Variants in LRRC28 observed in about 807,000 individuals in gnomAD.
LRRC28 encodes the protein leucine rich repeat containing 28.
LRRC28 carries 39 observed loss-of-function variants against 45.7 expected under a neutral mutation model. The ratio of observed to expected loss-of-function variants is 0.85; its 90% CI spans 0.66 to 1.12. The LOEUF is 1.12. LRRC28 is among the 50% of genes most tolerant of loss of function. The pLI is 0.00. For synonymous variants in LRRC28, 206 were observed against 178.8 expected (o/e 1.15, Z -1.22); for missense variants, 435 against 438.5 (o/e 0.99, Z 0.07).
intron 3 of LRRC28, chr15:99,285,386 G>T (rs1044487663): frequency 9.3e-5 from 69 of 742,768 alleles, no homozygotes; most frequent in Non-Finnish European, 1.4e-4. Context: ...CACCTCCTCC[G>T]CAGTGGTATA....
At chr15:99,346,549 G>C (rs563990375) in intron 6 of LRRC28, among the ~76,000 whole-genome samples, 2 of 152,246 alleles carry the variant, frequency 1.3e-5, no homozygotes, top group East Asian at 3.9e-4. Context: ...GACATTTGAA[G>C]CCTAAGGCAA....
intron 3 of LRRC28, among the ~76,000 whole-genome samples, chr15:99,286,261 G>A (rs1374443024): frequency 6.6e-6 from 1 of 152,208 alleles, no homozygotes; most frequent in South Asian, 2.1e-4. Context: ...CTCCCAAGTA[G>A]CTGGGACTAC....
chr15:99,253,529 A>T (rs1426355175), intron 1 of LRRC28, among the ~76,000 whole-genome samples: 2 of 152,204 alleles, frequency 1.3e-5, no homozygotes. Flanking sequence ...TGAGGATTGG[A>T]AAAGCCCAGA....
chr15:99,334,047 GT>G lies in LRRC28; in HGVS notation c.511del (p.Tyr171MetfsTer29). The G allele has an allele frequency of 6.2e-7, 1 of 1,614,110 alleles. No individual in the cohort carries two copies. The highest frequency in any genetic ancestry group is 8.5e-7 in the Non-Finnish European group (1 of 1,179,986). ...YLTVDRNRLW[Y>X]VPRHLCQLPS... is the part of the protein sequence containing the mutation. ...TCACTGTGGACCGAAATCGTCTATG[GT>G]ATGTGCCGCGCCATCTCTGCCAGCT... On this transcript the variant is annotated frameshift_variant, in exon 6 of 10. Coordinates refer to ENST00000301981, the MANE Select transcript of LRRC28 (RefSeq NM_144598.5). LOFTEE classifies it high-confidence loss of function.
intron 5 of LRRC28, among the ~76,000 whole-genome samples, chr15:99,311,635 G>T (rs1955415074): frequency 6.6e-6 from 1 of 152,142 alleles, no homozygotes; most frequent in African/African-American, 2.4e-5. Context: ...TCTTTTTGTG[G>T]TTGTTTGTAA....
rs563904025 is a variant in LRRC28 at position 99,352,013 on chromosome 15, T to G, written c.593-356T>G. Among the ~76,000 whole-genome samples, 3 of 152,256 alleles carry G rather than the reference T, an allele frequency of 2.0e-5. No homozygotes were observed. The South Asian group carries it at 6.2e-4, about 32-fold the overall frequency. On this transcript the variant is annotated intron_variant, in intron 6 of 9. Coordinates refer to ENST00000301981, the MANE Select transcript of LRRC28 (RefSeq NM_144598.5). ...CTTGCTGAAGACAGGCCAGGGTGAT[T>G]AGACCAAGGAGATGGGGGAGAAAGG...
chr15:99,286,381 C>T (rs1316547742), intron 3 of LRRC28, among the ~76,000 whole-genome samples: 1 of 152,142 alleles, frequency 6.6e-6, no homozygotes, highest in African/African-American at 2.4e-5. Context: ...ATCCGCCCTC[C>T]TTGCCTCCCA....
intron 2 of LRRC28, among the ~76,000 whole-genome samples, chr15:99,274,243 G>A (rs2081558640): frequency 6.6e-6 from 1 of 152,158 alleles, no homozygotes; most frequent in Non-Finnish European, 1.5e-5. Context: ...AAAAGGGAAG[G>A]ATATGTATAT....
At chr15:99,316,712 T>G (rs1459909581) in intron 5 of LRRC28, among the ~76,000 whole-genome samples, 2 of 16,932 alleles carry the variant, frequency 1.2e-4, no homozygotes, top group Non-Finnish European at 2.0e-4. Flanking sequence ...AATAGAAAAC[T>G]CTTAAAAAAA....
rs1262319641 is a variant in LRRC28 at position 99,386,702 on chromosome 15, T to G, written c.*600T>G. On this transcript the variant is annotated 3_prime_UTR_variant, in exon 10 of 10. Transcript: ENST00000301981. The stretch of plus-strand genomic sequence containing the variant: ...CCCTCTGGAAAGTTCCAGCCTTGTT[T>G]ATACGTTCTACAGTGTAGCAACAGA... 1 of 152,308 alleles carries G rather than the reference T, an allele frequency of 6.6e-6. No individual in the cohort carries two copies. The highest frequency in any genetic ancestry group is 2.4e-5 in the African/African-American group (1 of 41,444). 9.4% of individuals were successfully genotyped at this position (152,308 alleles called of 1,614,324 possible). A position where few individuals can be genotyped will look rare whatever the true frequency, so the allele number is the denominator to read the frequency against.
chr15:99,285,669 T>G (rs1159147475), intron 3 of LRRC28: 10 of 599,048 alleles, frequency 1.7e-5, no homozygotes, highest in Non-Finnish European at 3.0e-5. Flanking sequence ...CTTGATTATA[T>G]GTAGATAATA....
intron 3 of LRRC28, chr15:99,284,800 T>C: frequency 3.7e-6 from 2 of 539,752 alleles, no homozygotes; most frequent in Non-Finnish European, 7.3e-6. Flanking sequence ...TCAAAATCAT[T>C]GTAGCTTCCA....
rs901079276 is a variant in LRRC28 at position 99,263,084 on chromosome 15, C to G, written c.168+6959C>G. Among the ~76,000 whole-genome samples, 3 of 150,146 alleles carry G rather than the reference C, an allele frequency of 2.0e-5. No homozygotes were observed. In the South Asian group the frequency reaches 6.3e-4, roughly 32 times the overall value. On this transcript the variant is annotated intron_variant, in intron 2 of 9. Transcript: ENST00000301981. ...TAGCACTTTGGGATGCTGAGGCAGG[C>G]GGATCACTTGAGCTCAGGAGTTCAA... is the stretch of plus-strand genomic sequence containing the variant.
intron 1 of LRRC28, among the ~76,000 whole-genome samples, chr15:99,253,858 A>G (rs898111522): frequency 3.9e-5 from 6 of 152,188 alleles, no homozygotes; most frequent in African/African-American, 1.4e-4. Flanking sequence ...TGGGAGATAG[A>G]GGCCACTAGC....
intron 3 of LRRC28, chr15:99,285,478 G>A (rs2081933137): frequency 2.2e-6 from 2 of 915,602 alleles, no homozygotes; most frequent in African/African-American, 1.6e-5. Flanking sequence ...CCATTGCTCA[G>A]AGTGACTCCT....
chr15:99,318,886 C>T (rs763287078), intron 5 of LRRC28, among the ~76,000 whole-genome samples: 22 of 151,754 alleles, frequency 1.4e-4, no homozygotes, highest in East Asian at 1.9e-4. Flanking sequence ...GGTCATCAAC[C>T]GCTTTCTATT....
chr15:99,375,263 A>G (rs1286940834), intron 9 of LRRC28, among the ~76,000 whole-genome samples: 1 of 152,184 alleles, frequency 6.6e-6, no homozygotes, highest in East Asian at 1.9e-4. Context: ...GCCTGTTGAT[A>G]TGGTGGGTGA....
intron 3 of LRRC28, chr15:99,284,579 C>G (rs2081905632): frequency 8.5e-6 from 4 of 469,392 alleles, no homozygotes; most frequent in Non-Finnish European, 1.7e-5. Context: ...TGTCACTTCT[C>G]TTGCTCTCCT....
At chr15:99,350,156 A>G (rs575833916) in intron 6 of LRRC28, among the ~76,000 whole-genome samples, 14 of 152,108 alleles carry the variant, frequency 9.2e-5, no homozygotes, top group African/African-American at 3.1e-4. Context: ...AAAAAAAAAA[A>G]AAAGAAAAAT....
Sources: gnomAD v4.1 joint callset for allele counts (sites outside exome capture counted in the v4.1 genomes callset) on GRCh38, gnomAD v4.1.1 for gene constraint, MANE v1.5 for transcripts, NCBI Gene and HGNC (gene_info 2026-07-23, HGNC 2026-07-21) for gene names.